The following NTM variants were observed in gnomAD, a reference collection of about 807,000 sequenced individuals.
NTM encodes the protein neurotrimin, also known as IgLON family member 2.
NTM carries 13 observed loss-of-function variants against 42.1 expected under a neutral mutation model. That is an observed-to-expected ratio of 0.31 (90% CI 0.20 to 0.49). The LOEUF (loss-of-function observed/expected upper bound fraction) is 0.49, where lower values mean the gene tolerates loss of function less well. Among genes scored for constraint, NTM ranks in the 20% least tolerant of loss-of-function variants. NTM has a pLI of 0.99. For synonymous variants in NTM, 187 were observed against 179.2 expected, an observed-to-expected ratio of 1.04 and a Z score of -0.35; for missense variants, 373 against 452.8, an observed-to-expected ratio of 0.82 and a Z score of 1.60.
At chr11:131,700,824 C>T (rs774584141) in intron 1 of NTM, among the ~76,000 whole-genome samples, 5 of 152,322 alleles carry the variant, frequency 3.3e-5, no homozygotes, top group South Asian at 2.1e-4. Context: ...CTTTTCCATA[C>T]GCAACCAATA....
chr11:131,798,693 G>T (rs1448960072), intron 1 of NTM, among the ~76,000 whole-genome samples: 2 of 152,146 alleles, frequency 1.3e-5, no homozygotes, highest in South Asian at 4.1e-4. Flanking sequence ...TTCTACTAAG[G>T]TGTGAATATC....
At chr11:131,787,415 C>T (rs2089445069) in intron 1 of NTM, among the ~76,000 whole-genome samples, 1 of 144,692 alleles carries the variant, frequency 6.9e-6, no homozygotes, top group South Asian at 2.2e-4. Flanking sequence ...GAGTCTCTCT[C>T]TGGCGCCAGG....
At position 131,959,740 on chromosome 11, in the gene NTM, C is replaced by T. The variant is rs1355650261; in HGVS notation, c.167+48092C>T. Among the ~76,000 whole-genome samples the T allele has an allele frequency of 2.0e-5, 3 of 152,210 alleles. No homozygotes were observed. The East Asian group carries it at 5.8e-4, about 29-fold the overall frequency. On this transcript the variant is annotated intron_variant, in intron 2 of 8. Transcript: ENST00000683400. ...GCAAATCCATTCAATTTGTCTAATACAGCATTTAATTAAAGCTACTATCAA... is the reference window on the plus strand; with the variant it reads ...GCAAATCCATTCAATTTGTCTAATATAGCATTTAATTAAAGCTACTATCAA...
At chr11:131,694,768 G>T (rs182138113) in intron 1 of NTM, among the ~76,000 whole-genome samples, 5 of 152,138 alleles carry the variant, frequency 3.3e-5, no homozygotes, top group Non-Finnish European at 7.4e-5. Context: ...TGAGCTTTGC[G>T]GAAGGGCATA....
chr11:131,892,402 C>T (rs578249904), intron 1 of NTM, among the ~76,000 whole-genome samples: 29 of 152,338 alleles, frequency 1.9e-4, no homozygotes, highest in Non-Finnish European at 3.2e-4. Context: ...CAAAGTAATG[C>T]GTGTGAATTA....
At chr11:131,834,571 T>C (rs1273946398) in intron 1 of NTM, among the ~76,000 whole-genome samples, 2 of 149,172 alleles carry the variant, frequency 1.3e-5, no homozygotes, top group African/African-American at 2.5e-5. Context: ...ATAATCATCA[T>C]CATCACTATA....
At chr11:131,912,415 G>T (rs656729) in intron 2 of NTM, among the ~76,000 whole-genome samples, 1 of 132,648 alleles carries the variant, frequency 7.5e-6, no homozygotes, top group Non-Finnish European at 1.7e-5. Context: ...AGGCACTGGG[G>T]GAGGAGAAGA....
At chr11:131,666,536 C>T (rs1310254312) in intron 1 of NTM, among the ~76,000 whole-genome samples, 1 of 152,176 alleles carries the variant, frequency 6.6e-6, no homozygotes, top group African/African-American at 2.4e-5. Flanking sequence ...AACCACCCCT[C>T]ACAGAACAGA....
chr11:131,797,761 A>G (rs1290947858), intron 1 of NTM, among the ~76,000 whole-genome samples: 1 of 152,240 alleles, frequency 6.6e-6, no homozygotes, highest in African/African-American at 2.4e-5. Flanking sequence ...TCACTAATTA[A>G]AAACTGTTGA....
chr11:132,267,462 T>C (rs1395574955), intron 4 of NTM, among the ~76,000 whole-genome samples: 1 of 139,486 alleles, frequency 7.2e-6, no homozygotes, highest in African/African-American at 2.7e-5. Context: ...CAAGCCCTTA[T>C]CTTGGGTTCT....
At chr11:131,703,508 T>G (rs952198010) in intron 1 of NTM, among the ~76,000 whole-genome samples, 22 of 152,222 alleles carry the variant, frequency 1.4e-4, no homozygotes, top group Non-Finnish European at 2.8e-4. Flanking sequence ...CAAATCTCTC[T>G]GAATGTCAAA....
At chr11:132,212,917 G>T (rs1160962129) in intron 4 of NTM, among the ~76,000 whole-genome samples, 2 of 151,336 alleles carry the variant, frequency 1.3e-5, no homozygotes, top group Non-Finnish European at 2.9e-5. Context: ...AAGCGGTGAA[G>T]TTTTCACACT....
intron 1 of NTM, among the ~76,000 whole-genome samples, chr11:131,761,966 G>C (rs2084284099): frequency 6.6e-6 from 1 of 152,246 alleles, no homozygotes; most frequent in Non-Finnish European, 1.5e-5. Context: ...CTGCAAGCCA[G>C]GGAGAGATCC....
chr11:132,225,883 C>T (rs2086158540), intron 4 of NTM, among the ~76,000 whole-genome samples: 1 of 151,970 alleles, frequency 6.6e-6, no homozygotes, highest in African/African-American at 2.4e-5. Flanking sequence ...CCCTGACAGG[C>T]CCTGGTGTGT....
rs78844632 is a variant in NTM at position 131,382,678 on chromosome 11, C to T, written c.82+11790C>T. ...CTATCATAGACCCTACTTATCTTAT[C>T]GTGGCATCCTTCGTTCTTTCTTGTG... On this transcript the variant is annotated intron_variant, in intron 1 of 8. Transcript: ENST00000683400. Among the ~76,000 whole-genome samples, 355 of 152,240 alleles carry T rather than the reference C, an allele frequency of 2.3e-3. 2 individuals carry two copies. The highest frequency in any genetic ancestry group is 7.9e-3 in the African/African-American group (327 of 41,556).
chr11:131,911,692 G>T, intron 2 of NTM, 44 bp downstream of exon 2: 1 of 1,612,414 alleles, frequency 6.2e-7, no homozygotes, highest in Non-Finnish European at 8.5e-7. Context: ...TTTGTATGGG[G>T]TCGGGGTAAG....
chr11:131,699,952 GT>G (rs2075900517), intron 1 of NTM, among the ~76,000 whole-genome samples: 5 of 127,742 alleles, frequency 3.9e-5, no homozygotes, highest in African/African-American at 1.5e-4. Context: ...GTGTGTGTGT[GT>G]GTGTGTGTGT....
chr11:131,494,181 A>G (rs1955093161), intron 1 of NTM, among the ~76,000 whole-genome samples: 1 of 152,156 alleles, frequency 6.6e-6, no homozygotes, highest in African/African-American at 2.4e-5. Flanking sequence ...TATTGTTATT[A>G]TTATTATTTT....
At chr11:132,177,635 A>G (rs1254766219) in intron 3 of NTM, among the ~76,000 whole-genome samples, 1 of 152,236 alleles carries the variant, frequency 6.6e-6, no homozygotes, top group Non-Finnish European at 1.5e-5. Context: ...TAGATTTCAA[A>G]ACACTAAATA....
Sources: allele counts gnomAD v4.1 joint callset (sites outside exome capture counted in the v4.1 genomes callset), GRCh38; gene constraint gnomAD v4.1.1; transcripts MANE v1.5; gene names NCBI Gene and HGNC (gene_info 2026-07-23, HGNC 2026-07-21).